PCDHGA7: variants seen among roughly 807,000 people sequenced by gnomAD.
PCDHGA7 encodes the protein protocadherin gamma subfamily A, 7.
PCDHGA7 carries 44 observed loss-of-function variants against 58.3 expected under a neutral mutation model. That is an observed-to-expected ratio of 0.75 (90% CI 0.59 to 0.97). The LOEUF (loss-of-function observed/expected upper bound fraction) is 0.97. Among genes scored for constraint, PCDHGA7 ranks in the 50% least tolerant of loss-of-function variants. PCDHGA7 has a pLI of 0.00. For synonymous variants in PCDHGA7, 516 were observed against 504.2 expected, an observed-to-expected ratio of 1.02 and a Z score of -0.31; for missense variants, 1,266 against 1,188.7, an observed-to-expected ratio of 1.06 and a Z score of -0.96.
chr5:141,432,991 CG>C lies in PCDHGA7; in HGVS notation c.2424+47672del. 1.9e-6 allele frequency: 3 copies of C among 1,614,200 alleles called. No homozygotes were observed. Among genetic ancestry groups the C allele is most frequent in the Non-Finnish European group, 2.5e-6 (3 of 1,180,030 alleles). On this transcript the variant is annotated intron_variant, in intron 1 of 3. Transcript: ENST00000518325. This position sits in a 1 kb window ranked among gnomAD's most constrained non-coding sequence, Gnocchi z 6.0. ...CGGCGTCGCACTTTGTGGGCGTGGACGGGGTGCAGGCTTTCCTGCAGACCTA... is the reference window on the plus strand; with the variant it reads ...CGGCGTCGCACTTTGTGGGCGTGGACGGGTGCAGGCTTTCCTGCAGACCTA...
At chr5:141,387,955 T>C in intron 1 of PCDHGA7, 1 of 1,493,874 alleles carries the variant, frequency 6.7e-7, no homozygotes. Flanking sequence ...CTGCTGTCTT[T>C]GTTCTGCCCG....
At chr5:141,500,250 C>T (rs913074120) in intron 2 of PCDHGA7, among the ~76,000 whole-genome samples, 4 of 149,826 alleles carry the variant, frequency 2.7e-5, no homozygotes, top group African/African-American at 9.9e-5. Flanking sequence ...GCTCTGTCAC[C>T]CAGGCTGGAC....
At position 141,383,701 on chromosome 5, in the gene PCDHGA7, G is replaced by A. The variant is rs761689266; in HGVS notation, c.802G>A (p.Asp268Asn). Residue 268 changes from aspartate (D) to asparagine (N), a missense_variant, in exon 1 of 4, where the codon GAC (aspartate) becomes AAC (asparagine). By Grantham distance (23) the Asp-to-Asn change is conservative. Coordinates refer to ENST00000518325, the MANE Select transcript of PCDHGA7 (RefSeq NM_018920.4). ...GTRLLTVHAI[D>N]LDEGVNGEVT... ...AAGACTGCTCACGGTACATGCTATC[G>A]ACCTGGACGAGGGAGTCAATGGGGA... The A allele has an allele frequency of 2.5e-6, 4 of 1,613,810 alleles. No individual in the cohort carries two copies. Among genetic ancestry groups the A allele is most frequent in the South Asian group, 1.1e-5 (1 of 91,072 alleles).
intron 2 of PCDHGA7, among the ~76,000 whole-genome samples, chr5:141,495,440 A>G (rs2099761377): frequency 6.6e-6 from 1 of 151,898 alleles, no homozygotes; most frequent in African/African-American, 2.4e-5. Context: ...CTCTGCCCCT[A>G]CTTGTCCTGC....
In PCDHGA7 at chr5:141,477,857, C is replaced by A. The variant is rs548674958; in HGVS notation, c.2425-16950C>A. On this transcript the variant is annotated intron_variant, in intron 1 of 3. Transcript: ENST00000518325. The surrounding 1 kb of genome is among the most constrained non-coding windows in gnomAD (Gnocchi z 4.9). ...AGGTGGGAGCTCGGTGGAGATGCTG[C>A]CTCGAGGTACCTCAGCTGGCCACCT... 2.9e-5 allele frequency: 47 copies of A among 1,613,454 alleles called. No individual in the cohort carries two copies. In the South Asian group the frequency reaches 4.9e-4, roughly 17 times the overall value.
intron 3 of PCDHGA7, 62 bp downstream of exon 3, chr5:141,505,543 C>T: frequency 6.2e-7 from 1 of 1,609,636 alleles, no homozygotes; most frequent in Non-Finnish European, 8.5e-7. Flanking sequence ...GTGCATCTCA[C>T]AGCCACCATG....
chr5:141,490,804 T>C lies in PCDHGA7; in HGVS notation c.2425-4003T>C. On this transcript the variant is annotated intron_variant, in intron 1 of 3. Coordinates refer to ENST00000518325, the MANE Select transcript of PCDHGA7 (RefSeq NM_018920.4). This position sits in a 1 kb window ranked among gnomAD's most constrained non-coding sequence, Gnocchi z 5.4. The stretch of plus-strand genomic sequence containing the variant: ...TGGACGGATCTTTGCCCAGCGTACC[T>C]TTGACTATGAATTGCTGCAGATGCT... 2 of 1,613,854 alleles carry C rather than the reference T, an allele frequency of 1.2e-6. No homozygotes were observed. Among genetic ancestry groups the C allele is most frequent in the Non-Finnish European group, 1.7e-6 (2 of 1,179,816 alleles).
intron 1 of PCDHGA7, chr5:141,393,217 T>C (rs760159490): frequency 1.2e-6 from 2 of 1,613,564 alleles, no homozygotes; most frequent in Admixed American, 3.3e-5. Flanking sequence ...AAATTCCAGG[T>C]CGAAGATCTA....
chr5:141,436,277 T>G (rs2097806022), intron 1 of PCDHGA7, among the ~76,000 whole-genome samples: 1 of 152,194 alleles, frequency 6.6e-6, no homozygotes, highest in Non-Finnish European at 1.5e-5. Flanking sequence ...TAACTTGATT[T>G]AGGAACAAAT....
At chr5:141,450,770 AG>A (rs1354382498) in intron 1 of PCDHGA7, among the ~76,000 whole-genome samples, 1 of 151,448 alleles carries the variant, frequency 6.6e-6, no homozygotes, top group Non-Finnish European at 1.5e-5. Context: ...TACAGGCATG[AG>A]CCACCGTGCC....
Position 141,432,236 on chromosome 5 carries a change from G to A in PCDHGA7, c.2424+46913G>A, listed in dbSNP as rs752735346. On this transcript the variant is annotated intron_variant, in intron 1 of 3. Coordinates refer to ENST00000518325, the MANE Select transcript of PCDHGA7 (RefSeq NM_018920.4). This position sits in a 1 kb window ranked among gnomAD's most constrained non-coding sequence, Gnocchi z 6.0. ...CGCCCAGATCACTTATTCCCTGGCT[G>A]AGAACACCATCCAAGGGGCAAGCCT... is the stretch of plus-strand genomic sequence containing the variant. The A allele has an allele frequency of 8.7e-6, 14 of 1,614,130 alleles. No individual in the cohort carries two copies. The African/African-American group carries it at 9.3e-5, about 11-fold the overall frequency.
chr5:141,386,595 A>C (rs77368271), intron 1 of PCDHGA7, among the ~76,000 whole-genome samples: 1 of 146,110 alleles, frequency 6.8e-6, no homozygotes, highest in African/African-American at 2.5e-5. Context: ...TGGGGGATAC[A>C]TTTTTTTTTT....
At chr5:141,472,980 CAAA>C (rs60579131) in intron 1 of PCDHGA7, among the ~76,000 whole-genome samples, 10 of 86,092 alleles carry the variant, frequency 1.2e-4, no homozygotes, top group Non-Finnish European at 1.2e-4. Context: ...GAGTGAAACT[CAAA>C]AAAAAAAAAA....
chr5:141,450,842 T>TTTTA (rs1387012749), intron 1 of PCDHGA7, among the ~76,000 whole-genome samples: 1 of 148,196 alleles, frequency 6.7e-6, no homozygotes, highest in African/African-American at 2.5e-5. Context: ...TTTTTTTTTT[T>TTTTA]GAGATGGGGT....
At chr5:141,450,506 G>A (rs2098682958) in intron 1 of PCDHGA7, among the ~76,000 whole-genome samples, 2 of 151,914 alleles carry the variant, frequency 1.3e-5, no homozygotes, top group Admixed American at 6.6e-5. Context: ...TTTGTTTTGA[G>A]ATGGAGTCTC....
chr5:141,489,359 AG>A lies in PCDHGA7; in HGVS notation c.2425-5447del. On this transcript the variant is annotated intron_variant, in intron 1 of 3. Coordinates refer to ENST00000518325, the MANE Select transcript of PCDHGA7 (RefSeq NM_018920.4). The surrounding 1 kb of genome is among the most constrained non-coding windows in gnomAD (Gnocchi z 4.5). ...CGTTACTCAGTGGTGGAGGAGTCTG[AG>A]CCGGGGACGCTGGTGGGGAATGTTG... 1 of 1,613,110 alleles carries A rather than the reference AG, an allele frequency of 6.2e-7. No homozygotes were observed. The highest frequency in any genetic ancestry group is 1.1e-5 in the South Asian group (1 of 90,984).
intron 1 of PCDHGA7, chr5:141,410,046 G>T: frequency 6.2e-7 from 1 of 1,613,174 alleles, no homozygotes; most frequent in Non-Finnish European, 8.5e-7. Context: ...AGTGAGCCCG[G>T]ACTCTTCAGC....
Position 141,486,226 on chromosome 5 carries a change from A to G in PCDHGA7, c.2425-8581A>G, listed in dbSNP as rs889500362. 5.0e-6 allele frequency: 8 copies of G among 1,614,012 alleles called. No individual in the cohort carries two copies. The highest frequency in any genetic ancestry group is 6.8e-6 in the Non-Finnish European group (8 of 1,180,018). On this transcript the variant is annotated intron_variant, in intron 1 of 3. Transcript: ENST00000518325. This position sits in a 1 kb window ranked among gnomAD's most constrained non-coding sequence, Gnocchi z 5.0. ...TAAATGACAATGCCCCTTACATCACAGTGACCTCAGAGCTTGGAACCCTCC... is the reference window on the plus strand; with the variant it reads ...TAAATGACAATGCCCCTTACATCACGGTGACCTCAGAGCTTGGAACCCTCC...
At chr5:141,389,354 G>A in intron 1 of PCDHGA7, 5 of 1,613,934 alleles carry the variant, frequency 3.1e-6, no homozygotes, top group African/African-American at 2.7e-5. Flanking sequence ...ACTGCATCAT[G>A]GCCAGTGACC....
Sources: gnomAD v4.1 joint callset for allele counts (sites outside exome capture counted in the v4.1 genomes callset) on GRCh38, gnomAD v4.1.1 for gene constraint, Gnocchi (gnomAD v3.1) non-coding constraint, MANE v1.5 for transcripts, NCBI Gene and HGNC (gene_info 2026-07-23, HGNC 2026-07-21) for gene names.